The following RAPGEF6 variants were observed in gnomAD, a reference collection of about 807,000 sequenced individuals.
RAPGEF6 encodes Rap guanine nucleotide exchange factor 6.
Under a neutral mutation model 171.4 loss-of-function variants are expected in RAPGEF6, and 56 were observed. That is an observed-to-expected ratio of 0.33 (90% CI 0.26 to 0.41). RAPGEF6 has a LOEUF of 0.41. RAPGEF6 is among the 10% of genes least tolerant of loss of function. The pLI, the probability that RAPGEF6 is intolerant of heterozygous loss-of-function variation, is 1.00. For missense variants in RAPGEF6, 1,674 were observed against 1,921.4 expected (o/e 0.87, Z 2.41); for synonymous variants, 692 against 650.1 (o/e 1.06, Z -0.98).
rs75000476 is a variant in RAPGEF6 at position 131,569,536 on chromosome 5, T to C, written c.282-7489A>G. Among the ~76,000 whole-genome samples the C allele has an allele frequency of 3.5e-4, 54 of 152,170 alleles. No individual in the cohort carries two copies. In the East Asian group the frequency reaches 0.01, roughly 29 times the overall value. On this transcript the variant is annotated intron_variant, in intron 4 of 27. Transcript: ENST00000509018. ...AAATATCCATATGCAAAAATATATA[T>C]ATACAAACAAAACAAAAAATTAACT...
intron 4 of RAPGEF6, among the ~76,000 whole-genome samples, chr5:131,589,059 G>A (rs1384775241): frequency 6.6e-6 from 1 of 151,592 alleles, no homozygotes; most frequent in African/African-American, 2.4e-5. Flanking sequence ...GACAGAGTGA[G>A]ACTCTGTCTT....
At chr5:131,486,625 T>C (rs1443933413) in intron 15 of RAPGEF6, among the ~76,000 whole-genome samples, 1 of 152,180 alleles carries the variant, frequency 6.6e-6, no homozygotes, top group East Asian at 1.9e-4. Context: ...AACTTTATTA[T>C]CTATTCTTTC....
At chr5:131,519,392 T>C (rs568582749) in intron 7 of RAPGEF6, among the ~76,000 whole-genome samples, 23 of 152,242 alleles carry the variant, frequency 1.5e-4, no homozygotes, top group South Asian at 1.5e-3. Context: ...CAGGTTCTTA[T>C]AGTTTTTCTT....
intron 4 of RAPGEF6, among the ~76,000 whole-genome samples, chr5:131,571,121 T>C (rs935848815): frequency 2.6e-5 from 4 of 152,024 alleles, no homozygotes; most frequent in Non-Finnish European, 4.4e-5. Context: ...TTTGTATTTT[T>C]AGTAGAGCCA....
intron 4 of RAPGEF6, among the ~76,000 whole-genome samples, chr5:131,581,873 T>C (rs987101367): frequency 6.6e-6 from 1 of 152,072 alleles, no homozygotes; most frequent in African/African-American, 2.4e-5. Context: ...CCACCAACCC[T>C]TGTGACAATA....
Position 131,425,202 on chromosome 5 carries a change from C to G in RAPGEF6, c.*2064G>C, listed in dbSNP as rs997777234. ...CAACACTCTGTGCAAGATATTTACA[C>G]TATTAAGGACAAAGACAGGTAAGGC... On this transcript the variant is annotated 3_prime_UTR_variant, in exon 28 of 28. Transcript: ENST00000509018. 2 of 152,292 alleles carry G rather than the reference C, an allele frequency of 1.3e-5. No individual in the cohort carries two copies. Among genetic ancestry groups the G allele is most frequent in the African/African-American group, 4.8e-5 (2 of 41,436 alleles). 9.4% of individuals were successfully genotyped at this position (152,292 alleles called of 1,614,324 possible).
rs559908116 is a variant in RAPGEF6, at chr5:131,592,157, C to T, written c.281+226G>A. Among the ~76,000 whole-genome samples the T allele has an allele frequency of 2.5e-4, 38 of 152,160 alleles. 1 individual carries two copies. In the Middle Eastern group the frequency reaches 0.014, roughly 54 times the overall value. On this transcript the variant is annotated intron_variant, in intron 4 of 27. Coordinates refer to ENST00000509018, the MANE Select transcript of RAPGEF6 (RefSeq NM_016340.6). Reference sequence around the variant, plus strand: ...AGGTGTGAGCCACCGTGCCCAGCCCCATAAAACTAATTTTCAGACAGGAAG... The same window carrying T: ...AGGTGTGAGCCACCGTGCCCAGCCCTATAAAACTAATTTTCAGACAGGAAG...
chr5:131,626,343 A>AT (rs753521852), intron 1 of RAPGEF6, among the ~76,000 whole-genome samples: 2 of 151,852 alleles, frequency 1.3e-5, no homozygotes, highest in Middle Eastern at 3.2e-3. Context: ...AATAGCTGTG[A>AT]TTTTTTTTCC....
rs141125237 is a variant in RAPGEF6, at chr5:131,504,701, C to T, written c.1179G>A (p.Glu393=). 3.7e-5 allele frequency: 60 copies of T among 1,613,922 alleles called. No homozygotes were observed. The highest frequency in any genetic ancestry group is 4.7e-5 in the Non-Finnish European group (55 of 1,179,958). ...GCTCATGTACCATAACAATTTCTCC[C>T]TCTTCCTCAACTTTATGGGTATTTT... ...VEKNTHKVEE[E]GEIVMVHEHR... Residue 393 remains glutamate (E), a synonymous_variant, in exon 11 of 28, where the codon GAG becomes GAA. Coordinates refer to ENST00000509018, the MANE Select transcript of RAPGEF6 (RefSeq NM_016340.6).
intron 1 of RAPGEF6, among the ~76,000 whole-genome samples, chr5:131,621,793 A>G (rs4706030): frequency 0.77 from 117,685 of 151,860 alleles, 45,895 homozygotes; most frequent in Middle Eastern, 0.82. Flanking sequence ...CAAAACTCAC[A>G]GATATGGAGG....
intron 4 of RAPGEF6, among the ~76,000 whole-genome samples, chr5:131,577,888 C>A (rs1360399757): frequency 2.0e-5 from 3 of 152,168 alleles, no homozygotes; most frequent in Non-Finnish European, 4.4e-5. Flanking sequence ...TAGGTCTATT[C>A]GTCCTTACCC....
chr5:131,504,881 T>C, intron 10 of RAPGEF6, 103 bp from the exon 11 acceptor site: 2 of 1,105,724 alleles, frequency 1.8e-6, no homozygotes, highest in Non-Finnish European at 2.5e-6. Flanking sequence ...GCGGCATTAG[T>C]TCTTTTTCAC....
At chr5:131,565,271 A>C (rs1761864190) in intron 4 of RAPGEF6, among the ~76,000 whole-genome samples, 1 of 152,182 alleles carries the variant, frequency 6.6e-6, no homozygotes, top group African/African-American at 2.4e-5. Flanking sequence ...TTTTGACTCC[A>C]TTAAAAATAG....
intron 6 of RAPGEF6, among the ~76,000 whole-genome samples, chr5:131,541,122 C>A (rs1238880571): frequency 6.6e-6 from 1 of 152,160 alleles, no homozygotes; most frequent in Non-Finnish European, 1.5e-5. Context: ...TATCTCAGAA[C>A]ACTGCAGAAT....
At chr5:131,506,861 A>C (rs1001433921) in intron 9 of RAPGEF6, among the ~76,000 whole-genome samples, 1 of 151,924 alleles carries the variant, frequency 6.6e-6, no homozygotes, top group Non-Finnish European at 1.5e-5. Context: ...TCTCTTATGT[A>C]TATATTTTAT....
intron 6 of RAPGEF6, among the ~76,000 whole-genome samples, chr5:131,543,445 C>T (rs2149942546): frequency 6.6e-6 from 1 of 152,118 alleles, no homozygotes; most frequent in Non-Finnish European, 1.5e-5. Context: ...GATGCTATTA[C>T]AACAGTCCTA....
At position 131,445,889 on chromosome 5, in the gene RAPGEF6, C is replaced by G. The variant is rs184797404; in HGVS notation, c.3421+594G>C. On this transcript the variant is annotated intron_variant, in intron 22 of 27. Coordinates refer to ENST00000509018, the MANE Select transcript of RAPGEF6 (RefSeq NM_016340.6). ...TATTTTGTTATAACAGTATATATTT[C>G]ATTATCTTTGATTTCTGCTCTTAGA... Among the ~76,000 whole-genome samples, 104 of 152,156 alleles carry G rather than the reference C, an allele frequency of 6.8e-4. 1 individual carries two copies. The highest frequency in any genetic ancestry group is 1.3e-3 in the Non-Finnish European group (87 of 68,008).
At chr5:131,541,306 A>C (rs1254725325) in intron 6 of RAPGEF6, among the ~76,000 whole-genome samples, 2 of 152,184 alleles carry the variant, frequency 1.3e-5, no homozygotes, top group Admixed American at 1.3e-4. Flanking sequence ...TCTGGATAAA[A>C]GCAGCAAGTG....
chr5:131,498,364 C>CA (rs762022886), intron 12 of RAPGEF6, 79 bp downstream of exon 12: 36 of 1,274,504 alleles, frequency 2.8e-5, no homozygotes, highest in Non-Finnish European at 3.5e-5. Flanking sequence ...TCATAATAAA[C>CA]AGGTAATCTA....
Sources: gnomAD v4.1 joint callset for allele counts (sites outside exome capture counted in the v4.1 genomes callset) on GRCh38, gnomAD v4.1.1 for gene constraint, MANE v1.5 for transcripts, NCBI Gene and HGNC (gene_info 2026-07-23, HGNC 2026-07-21) for gene names.